The following GALNT16 variants were observed in gnomAD, a reference collection of about 807,000 sequenced individuals.
GALNT16 encodes UDP-GalNAc:polypeptide N-acetylgalactosaminyltransferase-like protein 1.
Under a neutral mutation model 76.1 loss-of-function variants are expected in GALNT16, and 40 were observed. That is an observed-to-expected ratio of 0.53 (90% CI 0.41 to 0.68). GALNT16 has a LOEUF of 0.68. GALNT16 is among the 30% of genes least tolerant of loss of function. The pLI is 0.00. For synonymous variants in GALNT16, 276 were observed against 285.2 expected (o/e 0.97, Z 0.32); for missense variants, 621 against 731.9 (o/e 0.85, Z 1.75).
At chr14:69,305,220 G>T (rs753844612) in intron 1 of GALNT16, among the ~76,000 whole-genome samples, 1 of 150,118 alleles carries the variant, frequency 6.7e-6, no homozygotes, top group Non-Finnish European at 1.5e-5. Flanking sequence ...CCAGGCTGGG[G>T]TAGTGTGATC....
chr14:69,384,077 CTG>C, the GALNT16 span, among the ~76,000 whole-genome samples: 1 of 152,128 alleles, frequency 6.6e-6, no homozygotes, highest in African/African-American at 2.4e-5. Context: ...TCACTTGTAA[CTG>C]TTTTACTCTG....
intron 12 of GALNT16, among the ~76,000 whole-genome samples, chr14:69,345,407 C>T (rs933966162): frequency 3.3e-5 from 5 of 152,118 alleles, no homozygotes; most frequent in African/African-American, 7.2e-5. Flanking sequence ...TGGAACTTTG[C>T]GGCTTCTAGC....
At chr14:69,315,510 A>G (rs955142059) in intron 1 of GALNT16, among the ~76,000 whole-genome samples, 1 of 152,226 alleles carries the variant, frequency 6.6e-6, no homozygotes, top group African/African-American at 2.4e-5. Flanking sequence ...GCCATGGTCC[A>G]GATGGAACCC....
chr14:69,332,087 T>A (rs2045358579), intron 7 of GALNT16, among the ~76,000 whole-genome samples: 1 of 152,238 alleles, frequency 6.6e-6, no homozygotes, highest in Admixed American at 6.5e-5. Context: ...GACCCACAGG[T>A]TACCCAGACT....
At chr14:69,308,927 A>C (rs1026578384) in intron 1 of GALNT16, among the ~76,000 whole-genome samples, 2 of 152,234 alleles carry the variant, frequency 1.3e-5, no homozygotes, top group East Asian at 1.9e-4. Flanking sequence ...GAGAATTAAT[A>C]ATTATTCTTG....
chr14:69,376,061 C>T, the GALNT16 span, among the ~76,000 whole-genome samples: 2 of 152,022 alleles, frequency 1.3e-5, no homozygotes, highest in South Asian at 2.1e-4. Context: ...TTTTGAGATA[C>T]TGTCTCACTC....
chr14:69,261,594 G>T lies in GALNT16; in HGVS notation c.177+1127G>T, dbSNP rs866892860. On this transcript the variant is annotated intron_variant, in intron 1 of 14. Coordinates refer to ENST00000448469, the MANE Select transcript of GALNT16 (RefSeq NM_001168368.2). The surrounding 1 kb of genome is among the most constrained non-coding windows in gnomAD (Gnocchi z 6.4). ...AAGATCTGGGCCTGGGGGTGGAGGG[G>T]TGAGGAGATCCGCGGGGGAGGTGCA... Among the ~76,000 whole-genome samples, 18 of 151,952 alleles carry T rather than the reference G, an allele frequency of 1.2e-4. No homozygotes were observed. The highest frequency in any genetic ancestry group is 2.6e-4 in the Admixed American group (4 of 15,268).
At chr14:69,346,505 C>T (rs926600196) in intron 12 of GALNT16, among the ~76,000 whole-genome samples, 2 of 152,146 alleles carry the variant, frequency 1.3e-5, no homozygotes, top group Non-Finnish European at 2.9e-5. Context: ...ACAGCTGTTG[C>T]CGACACTGGG....
chr14:69,316,780 G>GA (rs1555399673), intron 1 of GALNT16, among the ~76,000 whole-genome samples: 4 of 126,826 alleles, frequency 3.2e-5, no homozygotes, highest in Non-Finnish European at 4.9e-5. Flanking sequence ...TCTGTGAGGG[G>GA]GGGGGGCACT....
chr14:69,362,819 C>T, the GALNT16 span, among the ~76,000 whole-genome samples: 3 of 152,312 alleles, frequency 2.0e-5, no homozygotes, highest in Admixed American at 2.0e-4. Context: ...TCTCCAGCCA[C>T]CAGGGCAAGA....
At chr14:69,371,426 G>T in the GALNT16 span, among the ~76,000 whole-genome samples, 1 of 150,664 alleles carries the variant, frequency 6.6e-6, no homozygotes, top group Non-Finnish European at 1.5e-5. Flanking sequence ...GCTTATTTTT[G>T]TATTTTTTTT....
chr14:69,272,940 C>T (rs1324499561), intron 1 of GALNT16, among the ~76,000 whole-genome samples: 2 of 152,186 alleles, frequency 1.3e-5, no homozygotes, highest in Non-Finnish European at 2.9e-5. Context: ...GACATTTGCA[C>T]AGTGATGAAC....
At chr14:69,305,216 T>C (rs982618355) in intron 1 of GALNT16, among the ~76,000 whole-genome samples, 10 of 149,670 alleles carry the variant, frequency 6.7e-5, no homozygotes, top group Admixed American at 1.3e-4. Flanking sequence ...TTGCCCAGGC[T>C]GGGGTAGTGT....
At chr14:69,340,831 A>T (rs1397319266) in intron 11 of GALNT16, among the ~76,000 whole-genome samples, 1 of 152,162 alleles carries the variant, frequency 6.6e-6, no homozygotes, top group Non-Finnish European at 1.5e-5. Context: ...GGTTGAATCC[A>T]TGGATGCAGA....
intron 1 of GALNT16, among the ~76,000 whole-genome samples, chr14:69,318,789 C>T (rs1488594720): frequency 6.6e-6 from 1 of 152,242 alleles, no homozygotes; most frequent in Non-Finnish European, 1.5e-5. Flanking sequence ...AGCTCCTTTG[C>T]CATCAACTGG....
At chr14:69,276,314 G>A (rs2044470567) in intron 1 of GALNT16, among the ~76,000 whole-genome samples, 2 of 152,362 alleles carry the variant, frequency 1.3e-5, no homozygotes, top group East Asian at 1.9e-4. Flanking sequence ...TCAAAAGAGA[G>A]TGTGACTTTA....
intron 12 of GALNT16, among the ~76,000 whole-genome samples, chr14:69,343,765 C>G (rs1457382140): frequency 6.6e-6 from 1 of 152,180 alleles, no homozygotes; most frequent in Non-Finnish European, 1.5e-5. Context: ...CCCTTCCTCT[C>G]CAACCTCAGT....
chr14:69,304,568 G>A (rs866675246), intron 1 of GALNT16, among the ~76,000 whole-genome samples: 1 of 152,068 alleles, frequency 6.6e-6, no homozygotes, highest in Non-Finnish European at 1.5e-5. Flanking sequence ...CATTCTTTTT[G>A]CTTGGCTGAA....
intron 1 of GALNT16, among the ~76,000 whole-genome samples, chr14:69,312,039 A>T (rs1485419498): frequency 8.5e-6 from 1 of 117,700 alleles, no homozygotes; most frequent in Non-Finnish European, 1.8e-5. Flanking sequence ...TCCTGTTTCT[A>T]AAAAAAAAAA....
Sources: gnomAD v4.1 joint callset for allele counts (sites outside exome capture counted in the v4.1 genomes callset) on GRCh38, gnomAD v4.1.1 for gene constraint, Gnocchi (gnomAD v3.1) non-coding constraint, MANE v1.5 for transcripts, NCBI Gene and HGNC (gene_info 2026-07-23, HGNC 2026-07-21) for gene names.